Variants in MIPOL1 observed in about 807,000 individuals in gnomAD.
MIPOL1 encodes mirror-image polydactyly 1, also known as mirror-image polydactyly gene 1 protein.
Under a neutral mutation model 60.9 loss-of-function variants are expected in MIPOL1, and 57 were observed. That is an observed-to-expected ratio of 0.94 (90% confidence interval 0.76 to 1.17). The LOEUF is 1.17. Ranked by LOEUF, MIPOL1 falls within the 50% of genes most tolerant of loss-of-function variation. The pLI is 0.00. For missense variants in MIPOL1, 551 were observed against 511.6 expected (o/e 1.08, Z -0.74); for synonymous variants, 179 against 168.8 (o/e 1.06, Z -0.47).
intron 1 of MIPOL1, among the ~76,000 whole-genome samples, chr14:37,211,532 C>T (rs11846299): frequency 0.044 from 6,689 of 152,178 alleles, 342 homozygotes; most frequent in African/African-American, 0.12. Flanking sequence ...CAGCCCTAGC[C>T]GGAGGGGAAT....
At chr14:37,226,601 T>C (rs1043101157) in intron 1 of MIPOL1, among the ~76,000 whole-genome samples, 1 of 152,208 alleles carries the variant, frequency 6.6e-6, no homozygotes, top group Admixed American at 6.5e-5. Flanking sequence ...GAGGGAATTA[T>C]CGGAGCTACA....
intron 9 of MIPOL1, among the ~76,000 whole-genome samples, chr14:37,326,632 G>C (rs1354406126): frequency 1.3e-5 from 2 of 152,216 alleles, no homozygotes; most frequent in Admixed American, 6.5e-5. Flanking sequence ...AGCAGTGGCT[G>C]TAGCCAGGTC....
intron 12 of MIPOL1, among the ~76,000 whole-genome samples, chr14:37,520,514 C>T (rs955391534): frequency 4.6e-5 from 7 of 152,102 alleles, no homozygotes; most frequent in East Asian, 1.9e-4. Flanking sequence ...ATCAGTGACT[C>T]ACTTCCTCCA....
At chr14:37,535,305 T>A (rs1189610399) in intron 12 of MIPOL1, among the ~76,000 whole-genome samples, 1 of 152,186 alleles carries the variant, frequency 6.6e-6, no homozygotes, top group Non-Finnish European at 1.5e-5. Flanking sequence ...GTCGTATATC[T>A]AATCTAAGGA....
At chr14:37,434,494 T>A (rs1031046065) in intron 11 of MIPOL1, 2 of 152,106 alleles carry the variant, frequency 1.3e-5, no homozygotes, top group Non-Finnish European at 2.9e-5. Flanking sequence ...TTCACGAATT[T>A]GTCTGTCATC....
At chr14:37,318,229 AC>A (rs2088143553) in intron 9 of MIPOL1, among the ~76,000 whole-genome samples, 1 of 152,152 alleles carries the variant, frequency 6.6e-6, no homozygotes, top group South Asian at 2.1e-4. Flanking sequence ...TAGTGTCTTA[AC>A]CTCTCCTTTT....
intron 9 of MIPOL1, among the ~76,000 whole-genome samples, chr14:37,323,762 C>T (rs1484076835): frequency 6.6e-6 from 1 of 151,962 alleles, no homozygotes; most frequent in East Asian, 1.9e-4. Context: ...ATATTTCCTT[C>T]TATCAATCAT....
intron 9 of MIPOL1, among the ~76,000 whole-genome samples, chr14:37,340,009 A>C (rs1398893303): frequency 6.6e-6 from 1 of 152,180 alleles, no homozygotes; most frequent in East Asian, 1.9e-4. Flanking sequence ...ACCCCTATAA[A>C]ATAATAATTT....
At chr14:37,532,068 C>A (rs1363422469) in intron 12 of MIPOL1, among the ~76,000 whole-genome samples, 1 of 152,130 alleles carries the variant, frequency 6.6e-6, no homozygotes, top group Non-Finnish European at 1.5e-5. Context: ...TCGTAACTCT[C>A]TAAATCATAA....
At chr14:37,272,268 CAA>C (rs2083354496) in intron 6 of MIPOL1, among the ~76,000 whole-genome samples, 1 of 151,524 alleles carries the variant, frequency 6.6e-6, no homozygotes, top group South Asian at 2.1e-4. Context: ...TGAAAATTCC[CAA>C]AGTTGTTTTA....
chr14:37,481,560 A>AACAC (rs3062719), intron 11 of MIPOL1, among the ~76,000 whole-genome samples: 19,990 of 112,892 alleles, frequency 0.18, 2,121 homozygotes, highest in Non-Finnish European at 0.21. Context: ...GACCCCCCCC[A>AACAC]ACACACACAC....
At chr14:37,270,764 T>C (rs142556538) in intron 6 of MIPOL1, among the ~76,000 whole-genome samples, 1 of 150,814 alleles carries the variant, frequency 6.6e-6, no homozygotes, top group African/African-American at 2.4e-5. Flanking sequence ...GTTAACACCA[T>C]GTCAATCCAA....
intron 12 of MIPOL1, 109 bp downstream of exon 12, chr14:37,500,247 A>G: frequency 8.6e-6 from 7 of 811,180 alleles, no homozygotes; most frequent in Non-Finnish European, 1.1e-5. Flanking sequence ...ATAGTTTAGA[A>G]CAAAAGTAGA....
At chr14:37,238,874 G>A (rs1194998220) in intron 1 of MIPOL1, among the ~76,000 whole-genome samples, 2 of 151,746 alleles carry the variant, frequency 1.3e-5, no homozygotes, top group African/African-American at 2.4e-5. Flanking sequence ...TATTGCTTGA[G>A]CATGGGAGCT....
chr14:37,324,645 G>C (rs1472777663), intron 9 of MIPOL1, among the ~76,000 whole-genome samples: 1 of 152,076 alleles, frequency 6.6e-6, no homozygotes, highest in Non-Finnish European at 1.5e-5. Flanking sequence ...TTGCAAAGCT[G>C]ACAGCTTGTT....
At chr14:37,540,414 T>C (rs990668166) in intron 12 of MIPOL1, among the ~76,000 whole-genome samples, 1 of 152,252 alleles carries the variant, frequency 6.6e-6, no homozygotes, top group Non-Finnish European at 1.5e-5. Context: ...AGTGTCTGTA[T>C]ATATTCATAA....
At chr14:37,352,023 T>G (rs1425940891) in intron 9 of MIPOL1, among the ~76,000 whole-genome samples, 1 of 86,620 alleles carries the variant, frequency 1.2e-5, no homozygotes, top group Non-Finnish European at 2.2e-5. Flanking sequence ...TCTTCTAGGG[T>G]TTTTATGGTT....
At chr14:37,209,798 G>A (rs987344066) in intron 1 of MIPOL1, among the ~76,000 whole-genome samples, 3 of 152,044 alleles carry the variant, frequency 2.0e-5, no homozygotes, top group Non-Finnish European at 4.4e-5. Context: ...TGACCTCCTG[G>A]GCTCAAGCAA....
chr14:37,277,475 T>G (rs2153400280), intron 6 of MIPOL1: 1 of 151,470 alleles, frequency 6.6e-6, no homozygotes, highest in African/African-American at 2.4e-5. Context: ...ATATTAAATC[T>G]TTGAATGTAA....
Sources: allele counts gnomAD v4.1 joint callset (sites outside exome capture counted in the v4.1 genomes callset), GRCh38; gene constraint gnomAD v4.1.1; transcripts MANE v1.5; gene names NCBI Gene and HGNC (gene_info 2026-07-23, HGNC 2026-07-21).